CFAP44: variants seen among roughly 807,000 people sequenced by gnomAD.
The protein encoded by CFAP44 is cilia- and flagella-associated protein 44.
CFAP44 carries 134 observed loss-of-function variants against 216.2 expected under a neutral mutation model. The observed-to-expected ratio is 0.62, with a 90% CI of 0.54 to 0.72. The LOEUF is 0.72. Ranked by LOEUF, CFAP44 falls within the 30% of genes least tolerant of loss-of-function variation. The pLI is 0.00. For missense variants in CFAP44, 2,035 were observed against 2,182.1 expected, an observed-to-expected ratio of 0.93 and a Z score of 1.34; for synonymous variants, 700 against 727.6, an observed-to-expected ratio of 0.96 and a Z score of 0.61.
At chr3:113,350,276 CAAAG>C (rs1004199970) in intron 22 of CFAP44, among the ~76,000 whole-genome samples, 1 of 150,052 alleles carries the variant, frequency 6.7e-6, no homozygotes, top group Non-Finnish European at 1.5e-5. Flanking sequence ...AAGAGACAGA[CAAAG>C]AAGGAGTCAG....
At chr3:113,304,958 C>G in intron 31 of CFAP44, 78 bp downstream of exon 31, 1 of 1,298,702 alleles carries the variant, frequency 7.7e-7, no homozygotes. Context: ...CATTAGTGAA[C>G]TATGAATCTT....
intron 6 of CFAP44, 41 bp from the exon 7 acceptor site, chr3:113,409,363 T>G: frequency 6.4e-7 from 1 of 1,563,348 alleles, no homozygotes; most frequent in Non-Finnish European, 8.8e-7. Context: ...AGGACACATT[T>G]ATTTCATTTT....
chr3:113,416,516 TG>T lies in CFAP44; in HGVS notation c.673+8del, dbSNP rs1340242693. ...AACATGAAATATTTAAATATGCTTC[TG>T]GACTCACCTCGAAGGACTCTGTATG... On this transcript the variant is annotated splice_region_variant and intron_variant, in intron 6 of 34. Transcript: ENST00000393845. 3 of 1,574,916 alleles carry T rather than the reference TG, an allele frequency of 1.9e-6. No individual in the cohort carries two copies. Among genetic ancestry groups the T allele is most frequent in the Non-Finnish European group, 2.6e-6 (3 of 1,147,714 alleles).
At chr3:113,419,980 T>C in intron 5 of CFAP44, 37 bp downstream of exon 5, 1 of 1,598,558 alleles carries the variant, frequency 6.3e-7, no homozygotes, top group Non-Finnish European at 8.5e-7. Flanking sequence ...AAAGATAGGG[T>C]TTTTTGGGGT....
intron 12 of CFAP44, 87 bp downstream of exon 12, chr3:113,400,458 T>C (rs1041244310): frequency 4.1e-5 from 48 of 1,183,938 alleles, no homozygotes; most frequent in Non-Finnish European, 5.2e-5. Context: ...AATCCCCAAA[T>C]GCTCTTAAGT....
chr3:113,330,112 T>C, intron 26 of CFAP44, 56 bp downstream of exon 26: 1 of 1,447,444 alleles, frequency 6.9e-7, no homozygotes, highest in South Asian at 1.5e-5. Flanking sequence ...CCCGACCCAA[T>C]TTTTTCCCTT....
chr3:113,434,630 A>G (rs984159476), intron 1 of CFAP44: 2 of 152,132 alleles, frequency 1.3e-5, no homozygotes, highest in Admixed American at 6.5e-5. Flanking sequence ...TAAACACCCT[A>G]TGTTTCCTCA....
At chr3:113,438,629 C>T (rs1576614340) in intron 1 of CFAP44, among the ~76,000 whole-genome samples, 1 of 152,160 alleles carries the variant, frequency 6.6e-6, no homozygotes, top group Non-Finnish European at 1.5e-5. Context: ...TTAAATATTT[C>T]GGGTAAGAGG....
At chr3:113,357,853 C>T (rs1242112383) in intron 22 of CFAP44, among the ~76,000 whole-genome samples, 1 of 152,064 alleles carries the variant, frequency 6.6e-6, no homozygotes, top group Non-Finnish European at 1.5e-5. Context: ...ATATAACCAA[C>T]AGAAATAAGC....
rs997557110 is a variant in CFAP44 at position 113,396,576 on chromosome 3, TG to T, written c.1720del (p.His574IlefsTer8). 5 of 1,614,000 alleles carry T rather than the reference TG, an allele frequency of 3.1e-6. No homozygotes were observed. In the African/African-American group the frequency reaches 6.7e-5, roughly 22 times the overall value. On this transcript the variant is annotated frameshift_variant, in exon 14 of 35. Coordinates refer to ENST00000393845, the MANE Select transcript of CFAP44 (RefSeq NM_001164496.2). LOFTEE classifies it high-confidence loss of function. ...DIQLKQVFKP[H>X]TACVTALAYE... ...AGCTAAAGCAGTGACACAAGCAGTATGGGGTTTGAAAACCTGTTTCAACTGA... is the reference window on the plus strand; with the variant it reads ...AGCTAAAGCAGTGACACAAGCAGTATGGGTTTGAAAACCTGTTTCAACTGA...
chr3:113,332,318 GTTATGAGTT>G (rs908100948), intron 25 of CFAP44, among the ~76,000 whole-genome samples: 15 of 152,152 alleles, frequency 9.9e-5, no homozygotes, highest in Non-Finnish European at 2.1e-4. Context: ...GAAACACACA[GTTATGAGTT>G]ATGAAAATGG....
At chr3:113,408,350 G>C (rs1377575105) in intron 7 of CFAP44, among the ~76,000 whole-genome samples, 2 of 152,196 alleles carry the variant, frequency 1.3e-5, no homozygotes, top group Non-Finnish European at 2.9e-5. Flanking sequence ...ATCAAGAGTA[G>C]GTTCTGCCAC....
At chr3:113,324,042 C>CAAAAAA (rs200919084) in intron 28 of CFAP44, among the ~76,000 whole-genome samples, 48 of 71,824 alleles carry the variant, frequency 6.7e-4, no homozygotes, top group East Asian at 2.6e-3. Flanking sequence ...GACTCCGTCT[C>CAAAAAA]AAAAAAAAAA....
At chr3:113,338,502 A>G (rs1280133015) in intron 24 of CFAP44, among the ~76,000 whole-genome samples, 1 of 152,204 alleles carries the variant, frequency 6.6e-6, no homozygotes, top group Non-Finnish European at 1.5e-5. Context: ...GATGGCAAAT[A>G]AACCAATGAA....
At chr3:113,415,811 G>A (rs1410028222) in intron 6 of CFAP44, among the ~76,000 whole-genome samples, 1 of 152,130 alleles carries the variant, frequency 6.6e-6, no homozygotes, top group Non-Finnish European at 1.5e-5. Flanking sequence ...AGTATCATGT[G>A]GCACTGAGAA....
intron 28 of CFAP44, among the ~76,000 whole-genome samples, chr3:113,319,081 G>A (rs114003689): frequency 0.025 from 3,819 of 152,028 alleles, 60 homozygotes; most frequent in East Asian, 0.052. Context: ...AAAATCACAC[G>A]TATCAATACT....
At chr3:113,353,061 G>C (rs1486114180) in intron 22 of CFAP44, among the ~76,000 whole-genome samples, 1 of 152,196 alleles carries the variant, frequency 6.6e-6, no homozygotes, top group African/African-American at 2.4e-5. Context: ...GGGAGGCAGA[G>C]GTGAACCCTG....
At chr3:113,431,862 C>G (rs1184225467) in intron 2 of CFAP44, among the ~76,000 whole-genome samples, 1 of 152,096 alleles carries the variant, frequency 6.6e-6, no homozygotes, top group Non-Finnish European at 1.5e-5. Flanking sequence ...GTCAAGATTC[C>G]ACTAAGATAC....
At chr3:113,358,360 G>A (rs1950510150) in intron 22 of CFAP44, among the ~76,000 whole-genome samples, 1 of 151,838 alleles carries the variant, frequency 6.6e-6, no homozygotes, top group South Asian at 2.1e-4. Flanking sequence ...TCAAATTGGT[G>A]CATGAGAGGG....
Sources: gnomAD v4.1 joint callset for allele counts (sites outside exome capture counted in the v4.1 genomes callset) on GRCh38, gnomAD v4.1.1 for gene constraint, MANE v1.5 for transcripts, NCBI Gene and HGNC (gene_info 2026-07-23, HGNC 2026-07-21) for gene names.